ACACA: variants seen among roughly 807,000 people sequenced by gnomAD.
The protein encoded by ACACA is acetyl-CoA carboxylase alpha.
In ACACA, 103 loss-of-function variants were observed where a neutral mutation model predicts 296.1. The ratio of observed to expected loss-of-function variants is 0.35; its 90% CI spans 0.30 to 0.41. The LOEUF is 0.41. Ranked by LOEUF, ACACA falls within the 10% of genes least tolerant of loss-of-function variation. ACACA has a pLI of 1.00. For missense variants in ACACA, 1,554 were observed against 2,989.7 expected (o/e 0.52, Z 11.20); for synonymous variants, 953 against 1,038.6 (o/e 0.92, Z 1.58).
At chr17:37,321,364 C>T (rs1345397021) in intron 3 of ACACA, among the ~76,000 whole-genome samples, 2 of 152,154 alleles carry the variant, frequency 1.3e-5, no homozygotes, top group East Asian at 1.9e-4. Flanking sequence ...GTGGCTCACA[C>T]CTGTAATCCC....
At chr17:37,346,420 G>C (rs372967838) in intron 1 of ACACA, among the ~76,000 whole-genome samples, 2 of 151,786 alleles carry the variant, frequency 1.3e-5, no homozygotes, top group Admixed American at 6.6e-5. Flanking sequence ...TATCTATTGA[G>C]ACCAGGTGTG....
chr17:37,207,888 A>G, intron 30 of ACACA, 88 bp from the exon 31 acceptor site: 1 of 1,516,136 alleles, frequency 6.6e-7, no homozygotes, highest in South Asian at 1.1e-5. Flanking sequence ...AACTAGGAGA[A>G]AACTCTGAAG....
intron 54 of ACACA, among the ~76,000 whole-genome samples, 154 bp from the exon 55 acceptor site, chr17:37,089,228 G>T (rs911100170): frequency 2.0e-5 from 3 of 152,158 alleles, no homozygotes; most frequent in Admixed American, 2.0e-4. Flanking sequence ...GAGGAAGTAG[G>T]CCTCGAGGCA....
chr17:37,369,129 T>A (rs1164747114), intron 1 of ACACA, among the ~76,000 whole-genome samples: 1 of 152,172 alleles, frequency 6.6e-6, no homozygotes, highest in Non-Finnish European at 1.5e-5. Flanking sequence ...AGATGATTGC[T>A]ACATGAAGAA....
chr17:37,402,330 C>CA (rs780351469), intron 1 of ACACA, among the ~76,000 whole-genome samples: 3 of 150,838 alleles, frequency 2.0e-5, no homozygotes, highest in African/African-American at 4.9e-5. Context: ...AGTACCTTGG[C>CA]AAAAAAAACC....
intron 1 of ACACA, among the ~76,000 whole-genome samples, chr17:37,349,454 CTTACATATATATT>C (rs916362072): frequency 2.0e-5 from 3 of 146,780 alleles, no homozygotes; most frequent in African/African-American, 7.5e-5. Flanking sequence ...TAAGATATAT[CTTACATATATATT>C]TTACATATAT....
At chr17:37,125,658 T>C (rs779973332) in intron 48 of ACACA, 40 bp downstream of exon 48, 6 of 1,496,668 alleles carry the variant, frequency 4.0e-6, no homozygotes, top group Non-Finnish European at 2.8e-6. Flanking sequence ...TTATTTTTAG[T>C]TGGGAGGAAA....
chr17:37,089,122 G>C, intron 54 of ACACA, 48 bp from the exon 55 acceptor site: 1 of 1,613,426 alleles, frequency 6.2e-7, no homozygotes, highest in Non-Finnish European at 8.5e-7. Context: ...AGGCCAGGCC[G>C]GGACACCCTG....
At chr17:37,358,283 A>C (rs1169761498) in intron 1 of ACACA, among the ~76,000 whole-genome samples, 1 of 152,150 alleles carries the variant, frequency 6.6e-6, no homozygotes, top group Non-Finnish European at 1.5e-5. Flanking sequence ...TCCGGGCAGG[A>C]CCTTCACGCA....
At chr17:37,259,078 C>T (rs1213980392) in intron 12 of ACACA, among the ~76,000 whole-genome samples, 2 of 152,136 alleles carry the variant, frequency 1.3e-5, no homozygotes, top group Admixed American at 6.6e-5. Context: ...GTGAAGTTTA[C>T]TATAGCTAAA....
chr17:37,329,594 T>C (rs1166989134), intron 3 of ACACA, among the ~76,000 whole-genome samples: 6 of 147,860 alleles, frequency 4.1e-5, no homozygotes, highest in Non-Finnish European at 6.0e-5. Flanking sequence ...TGAGCTGAGA[T>C]TGTACCACTG....
intron 1 of ACACA, among the ~76,000 whole-genome samples, chr17:37,400,086 A>C (rs1388851566): frequency 6.6e-6 from 1 of 152,048 alleles, no homozygotes; most frequent in African/African-American, 2.4e-5. Flanking sequence ...CTACTCTCTT[A>C]GCAATTTTCA....
chr17:37,106,914 G>T (rs982912667), intron 52 of ACACA, among the ~76,000 whole-genome samples: 1 of 152,118 alleles, frequency 6.6e-6, no homozygotes, highest in African/African-American at 2.4e-5. Flanking sequence ...CAGATTAAAG[G>T]ATCAAACTAA....
chr17:37,204,793 T>C (rs919784367), intron 33 of ACACA, among the ~76,000 whole-genome samples: 1 of 152,212 alleles, frequency 6.6e-6, no homozygotes, highest in African/African-American at 2.4e-5. Context: ...AAAGGCTACA[T>C]GTTAGTCTCT....
intron 1 of ACACA, chr17:37,378,000 C>G: frequency 6.3e-7 from 1 of 1,584,402 alleles, no homozygotes; most frequent in Non-Finnish European, 8.7e-7. Flanking sequence ...AATGATATTG[C>G]CATTCCAAAA....
At chr17:37,302,872 C>T (rs2083695576) in intron 3 of ACACA, among the ~76,000 whole-genome samples, 1 of 152,174 alleles carries the variant, frequency 6.6e-6, no homozygotes, top group Non-Finnish European at 1.5e-5. Context: ...ATTTCACCCA[C>T]TTAAAGGGTA....
chr17:37,260,286 ATATATATATATTTTTTT>A (rs1377589036), intron 11 of ACACA, among the ~76,000 whole-genome samples: 1,509 of 30,882 alleles, frequency 0.049, 126 homozygotes, highest in South Asian at 0.094. Flanking sequence ...ATATATATAT[ATATATATATATTTTTTT>A]TTTTTTTTTT....
chr17:37,157,676 C>T (rs1281729787), intron 42 of ACACA, among the ~76,000 whole-genome samples: 1 of 151,728 alleles, frequency 6.6e-6, no homozygotes, highest in Admixed American at 6.6e-5. Flanking sequence ...GCTGGGATTA[C>T]AGGCATCTGT....
chr17:37,374,741 C>A (rs1277428758), intron 1 of ACACA, among the ~76,000 whole-genome samples: 1 of 152,194 alleles, frequency 6.6e-6, no homozygotes, highest in Non-Finnish European at 1.5e-5. Context: ...CACTCACCTG[C>A]CGTATTTAGC....
Sources: allele counts gnomAD v4.1 joint callset (sites outside exome capture counted in the v4.1 genomes callset), GRCh38; gene constraint gnomAD v4.1.1; transcripts MANE v1.5; gene names NCBI Gene and HGNC (gene_info 2026-07-23, HGNC 2026-07-21).